Variants in CCDC60 observed in about 807,000 individuals in gnomAD.
The protein encoded by CCDC60 is coiled-coil domain containing 60.
A neutral mutation model predicts 63.5 loss-of-function variants in CCDC60; 54 were observed. The ratio of observed to expected loss-of-function variants is 0.85; its 90% confidence interval spans 0.68 to 1.07. The LOEUF is 1.07. Among genes scored for constraint, CCDC60 ranks in the 50% least tolerant of loss-of-function variants. The pLI, the probability that CCDC60 is intolerant of heterozygous loss-of-function variation, is 0.00. For missense variants in CCDC60, 651 were observed against 684.3 expected (o/e 0.95, Z 0.54); for synonymous variants, 206 against 238.8 (o/e 0.86, Z 1.27).
intron 1 of CCDC60, among the ~76,000 whole-genome samples, chr12:119,416,220 A>T (rs1956696209): frequency 6.6e-6 from 1 of 152,096 alleles, no homozygotes; most frequent in African/African-American, 2.4e-5. Context: ...ATCTCTACTA[A>T]AAATACAAAT....
At chr12:119,342,191 G>A (rs1279858393) in intron 1 of CCDC60, among the ~76,000 whole-genome samples, 15 of 152,190 alleles carry the variant, frequency 9.9e-5, no homozygotes, top group Non-Finnish European at 1.8e-4. Flanking sequence ...GCTGTCCCAG[G>A]TCACAAAATG....
intron 5 of CCDC60, among the ~76,000 whole-genome samples, chr12:119,492,127 T>C (rs1243938308): frequency 6.6e-6 from 1 of 152,184 alleles, no homozygotes; most frequent in Non-Finnish European, 1.5e-5. Flanking sequence ...TCCAGGAAGA[T>C]TAACATAGGA....
intron 1 of CCDC60, among the ~76,000 whole-genome samples, chr12:119,364,938 C>A (rs1254106096): frequency 6.6e-6 from 1 of 152,014 alleles, no homozygotes; most frequent in African/African-American, 2.4e-5. Flanking sequence ...AAGATGGAGA[C>A]AGGCTCTGAG....
At position 119,472,192 on chromosome 12, in the gene CCDC60, G is replaced by T. The variant is rs997717638; in HGVS notation, c.341+28G>T. The T allele has an allele frequency of 2.5e-6, 4 of 1,608,276 alleles. No individual in the cohort carries two copies. In the South Asian group the frequency reaches 4.4e-5, roughly 18 times the overall value. ...AAGTGGATGCAGTAGCTGTGGCACT[G>T]AAGGTTTTGGGAATGACCATTGAGA... On this transcript the variant is annotated intron_variant, in intron 3 of 13. Transcript: ENST00000327554.
At chr12:119,414,613 C>A (rs1292103814) in intron 1 of CCDC60, among the ~76,000 whole-genome samples, 1 of 152,004 alleles carries the variant, frequency 6.6e-6, no homozygotes, top group African/African-American at 2.4e-5. Flanking sequence ...TGCAATGGTG[C>A]AATCATAGCT....
chr12:119,343,731 A>G (rs1361250561), intron 1 of CCDC60, among the ~76,000 whole-genome samples: 5 of 151,598 alleles, frequency 3.3e-5, no homozygotes, highest in Non-Finnish European at 7.4e-5. Context: ...ATGGAAAGAC[A>G]GGTGCAGTGA....
chr12:119,493,326 T>G (rs1951635622), intron 5 of CCDC60, among the ~76,000 whole-genome samples: 1 of 151,992 alleles, frequency 6.6e-6, no homozygotes, highest in South Asian at 2.1e-4. Flanking sequence ...AGGAAGAAAG[T>G]CGGAGTGGTT....
At chr12:119,405,311 A>C (rs1346921069) in intron 1 of CCDC60, among the ~76,000 whole-genome samples, 1 of 152,252 alleles carries the variant, frequency 6.6e-6, no homozygotes, top group African/African-American at 2.4e-5. Context: ...TAAGTAATTA[A>C]GGAGATAATT....
chr12:119,537,933 A>G (rs1021077052), intron 13 of CCDC60, among the ~76,000 whole-genome samples: 2 of 152,174 alleles, frequency 1.3e-5, no homozygotes, highest in African/African-American at 4.8e-5. Context: ...TGCTGGGAGA[A>G]CCAGTACTCT....
chr12:119,510,279 C>A (rs1377512447), intron 7 of CCDC60, among the ~76,000 whole-genome samples: 1 of 152,212 alleles, frequency 6.6e-6, no homozygotes, highest in African/African-American at 2.4e-5. Flanking sequence ...CTAGTTCACA[C>A]CTTAGGTGGG....
intron 1 of CCDC60, among the ~76,000 whole-genome samples, chr12:119,409,700 T>G (rs771627426): frequency 2.0e-5 from 3 of 152,206 alleles, no homozygotes; most frequent in Non-Finnish European, 4.4e-5. Context: ...GGCAGGCTTT[T>G]CCGTATCTTC....
Position 119,335,033 on chromosome 12 carries a change from A to C in CCDC60, c.-144A>C. ...TGCTTTCTCATTACTCTTCAGAAGG[A>C]AACCGCTTTGGAGTTCGTGTAATTG... On this transcript the variant is annotated 5_prime_UTR_variant, in exon 1 of 14. Coordinates refer to ENST00000327554, the MANE Select transcript of CCDC60 (RefSeq NM_178499.5). The C allele has an allele frequency of 6.4e-6, 4 of 622,510 alleles. No homozygotes were observed. Among genetic ancestry groups the C allele is most frequent in the African/African-American group, 1.9e-5 (1 of 53,990 alleles). 38.6% of individuals were successfully genotyped at this position (622,510 alleles called of 1,614,324 possible).
At chr12:119,378,579 G>A (rs1955977829) in intron 1 of CCDC60, among the ~76,000 whole-genome samples, 1 of 152,134 alleles carries the variant, frequency 6.6e-6, no homozygotes, top group Non-Finnish European at 1.5e-5. Flanking sequence ...TGAGGCTCAA[G>A]AAAATTAGGT....
chr12:119,528,572 A>T (rs1470028183), intron 11 of CCDC60, 43 bp from the exon 12 acceptor site: 6 of 1,591,050 alleles, frequency 3.8e-6, no homozygotes, highest in Non-Finnish European at 5.1e-6. Context: ...TTACAGGAGG[A>T]GGGGATCTCA....
At chr12:119,471,951 C>T (rs765419374) in intron 2 of CCDC60, 43 bp from the exon 3 acceptor site, 2 of 1,557,352 alleles carry the variant, frequency 1.3e-6, no homozygotes, top group South Asian at 1.2e-5. Flanking sequence ...TCCACCCTCC[C>T]ACCTTCCTCC....
chr12:119,502,615 G>T (rs560511570), intron 6 of CCDC60, among the ~76,000 whole-genome samples: 1 of 152,240 alleles, frequency 6.6e-6, no homozygotes, highest in African/African-American at 2.4e-5. Flanking sequence ...TGGATTTCCT[G>T]GCTAGGATGG....
chr12:119,516,920 T>A (rs368273836), intron 8 of CCDC60, among the ~76,000 whole-genome samples: 1 of 152,226 alleles, frequency 6.6e-6, no homozygotes, highest in East Asian at 1.9e-4. Context: ...AGAGAGCCTA[T>A]GTGACTAGTT....
intron 11 of CCDC60, among the ~76,000 whole-genome samples, 179 bp from the exon 12 acceptor site, chr12:119,528,436 T>C (rs935753791): frequency 1.3e-5 from 2 of 152,156 alleles, no homozygotes; most frequent in African/African-American, 4.8e-5. Context: ...CTTCAGGACC[T>C]TGGAGAGAGC....
chr12:119,510,242 G>GC, intron 7 of CCDC60, among the ~76,000 whole-genome samples: 1 of 152,100 alleles, frequency 6.6e-6, no homozygotes, highest in Non-Finnish European at 1.5e-5. Flanking sequence ...CTCTGATCTT[G>GC]CCCCAGGCTG....
Sources: allele counts gnomAD v4.1 joint callset (sites outside exome capture counted in the v4.1 genomes callset), GRCh38; gene constraint gnomAD v4.1.1; transcripts MANE v1.5; gene names NCBI Gene and HGNC (gene_info 2026-07-23, HGNC 2026-07-21).